CNTNAP2: variants seen among roughly 807,000 people sequenced by gnomAD.
The protein encoded by CNTNAP2 is contactin-associated protein-like 2.
A neutral mutation model predicts 155.2 loss-of-function variants in CNTNAP2; 98 were observed. That is an observed-to-expected ratio of 0.63 (90% CI 0.54 to 0.75). The LOEUF is 0.75. Ranked by LOEUF, CNTNAP2 falls within the 30% of genes least tolerant of loss-of-function variation. The probability of loss-of-function intolerance (pLI) is 0.00; values close to 1 mark genes in which losing one functional copy is unlikely to be tolerated. For missense variants in CNTNAP2, 1,727 were observed against 1,688.1 expected, an observed-to-expected ratio of 1.02 and a Z score of -0.40; for synonymous variants, 651 against 631.2, an observed-to-expected ratio of 1.03 and a Z score of -0.47.
chr7:146,700,171 C>T (rs767674467), intron 1 of CNTNAP2, among the ~76,000 whole-genome samples: 24 of 152,094 alleles, frequency 1.6e-4, no homozygotes, highest in Admixed American at 1.2e-3. Context: ...AGTCAACACC[C>T]GGTGTCCAGT....
intron 2 of CNTNAP2, among the ~76,000 whole-genome samples, chr7:146,780,903 G>C (rs149872295): frequency 0.012 from 1,791 of 152,054 alleles, 21 homozygotes; most frequent in Non-Finnish European, 0.019. Flanking sequence ...GAGAGCATTA[G>C]GAGAAATACC....
intron 1 of CNTNAP2, among the ~76,000 whole-genome samples, chr7:146,258,378 T>C (rs1277035089): frequency 6.6e-6 from 1 of 152,200 alleles, no homozygotes; most frequent in Non-Finnish European, 1.5e-5. Flanking sequence ...AATACCATTT[T>C]ACTATTTTAT....
intron 12 of CNTNAP2, among the ~76,000 whole-genome samples, chr7:147,630,022 A>G (rs1367559696): frequency 4.6e-5 from 7 of 152,068 alleles, no homozygotes. Context: ...CAAAAGATAA[A>G]TGAAAAAAAG....
intron 14 of CNTNAP2, among the ~76,000 whole-genome samples, chr7:147,944,571 A>C (rs1356988768): frequency 1.3e-5 from 2 of 152,214 alleles, no homozygotes; most frequent in Non-Finnish European, 2.9e-5. Context: ...GGAAATTGAC[A>C]AGTGTGTCTG....
intron 18 of CNTNAP2, among the ~76,000 whole-genome samples, chr7:148,178,978 C>T (rs184637339): frequency 2.7e-4 from 41 of 152,268 alleles, no homozygotes; most frequent in Admixed American, 2.6e-3. Flanking sequence ...GTGGCAGTGT[C>T]CTAAAATGTC....
intron 20 of CNTNAP2, among the ~76,000 whole-genome samples, chr7:148,238,325 G>C (rs6464860): frequency 0.71 from 107,263 of 152,020 alleles, 38,999 homozygotes; most frequent in South Asian, 0.91. Flanking sequence ...CTCCAGCCTG[G>C]TGACAGAGCG....
intron 3 of CNTNAP2, among the ~76,000 whole-genome samples, chr7:147,008,609 C>G (rs35013414): frequency 1.3e-5 from 2 of 151,746 alleles, no homozygotes; most frequent in Non-Finnish European, 2.9e-5. Flanking sequence ...CACGTAAGTA[C>G]GCCGTCATAA....
At chr7:147,345,245 T>C (rs1414316177) in intron 9 of CNTNAP2, among the ~76,000 whole-genome samples, 1 of 152,188 alleles carries the variant, frequency 6.6e-6, no homozygotes, top group Non-Finnish European at 1.5e-5. Flanking sequence ...AATTTTGTCA[T>C]GTTTACTTTT....
At chr7:147,301,592 CTGTGTGTGTGTGTG>C (rs10585570) in intron 9 of CNTNAP2, among the ~76,000 whole-genome samples, 1,580 of 101,842 alleles carry the variant, frequency 0.016, 28 homozygotes, top group African/African-American at 0.042. Context: ...CTCTCTCTCT[CTGTGTGTGTGTGTG>C]TGTGTGTGTG....
chr7:146,197,557 G>C (rs997568082), intron 1 of CNTNAP2, among the ~76,000 whole-genome samples: 1 of 152,086 alleles, frequency 6.6e-6, no homozygotes, highest in Non-Finnish European at 1.5e-5. Context: ...AAAGCTTGCA[G>C]GTTTAATTAC....
chr7:146,920,168 C>A (rs918566668), intron 3 of CNTNAP2, among the ~76,000 whole-genome samples: 3 of 152,080 alleles, frequency 2.0e-5, no homozygotes, highest in Non-Finnish European at 2.9e-5. Flanking sequence ...AAGCCCAGCA[C>A]TTTGGGAGGC....
chr7:146,496,930 A>G (rs1156628325), intron 1 of CNTNAP2, among the ~76,000 whole-genome samples: 1 of 152,232 alleles, frequency 6.6e-6, no homozygotes, highest in South Asian at 2.1e-4. Flanking sequence ...ACCTAATGCC[A>G]CTGGCCCTAC....
Position 146,580,066 on chromosome 7 carries a change from T to A in CNTNAP2, c.98-194205T>A, listed in dbSNP as rs116269390. On this transcript the variant is annotated intron_variant, in intron 1 of 23. Coordinates refer to ENST00000361727, the MANE Select transcript of CNTNAP2 (RefSeq NM_014141.6). ...AATTATATTTCCTATGCTTAAGGCA[T>A]GTATTTTCAGTAAGCAGTTAAAAAG... Among the ~76,000 whole-genome samples the A allele has an allele frequency of 3.7e-3, 568 of 152,266 alleles. 6 individuals are homozygous for A. Among genetic ancestry groups the A allele is most frequent in the African/African-American group, 0.013 (555 of 41,574 alleles).
chr7:147,133,485 A>G (rs868526386), intron 8 of CNTNAP2, among the ~76,000 whole-genome samples: 1 of 151,966 alleles, frequency 6.6e-6, no homozygotes, highest in Non-Finnish European at 1.5e-5. Flanking sequence ...CTATGCATAT[A>G]CCTGACACGG....
At chr7:146,129,243 T>C (rs1241237955) in intron 1 of CNTNAP2, among the ~76,000 whole-genome samples, 1 of 152,190 alleles carries the variant, frequency 6.6e-6, no homozygotes, top group Non-Finnish European at 1.5e-5. Flanking sequence ...TGTATCTACT[T>C]TCAAAGAGAG....
intron 1 of CNTNAP2, among the ~76,000 whole-genome samples, chr7:146,337,708 G>A (rs535431379): frequency 3.9e-5 from 6 of 152,100 alleles, no homozygotes; most frequent in Admixed American, 2.6e-4. Context: ...GGGTTCAAGC[G>A]GTTCTCCTGC....
At chr7:146,692,320 A>AC (rs1800711990) in intron 1 of CNTNAP2, among the ~76,000 whole-genome samples, 1 of 152,264 alleles carries the variant, frequency 6.6e-6, no homozygotes, top group South Asian at 2.1e-4. Flanking sequence ...TCCCTACATA[A>AC]AAACCTTTAA....
rs567058115 is a variant in CNTNAP2, at chr7:147,068,578, C to T, written c.550+24524C>T. Among the ~76,000 whole-genome samples, 21 of 152,212 alleles carry T rather than the reference C, an allele frequency of 1.4e-4. No homozygotes were observed. The South Asian group carries it at 4.1e-3, about 30-fold the overall frequency. On this transcript the variant is annotated intron_variant, in intron 4 of 23. Transcript: ENST00000361727. ...TTCACCATGTTGACCAGGCTGGTCT[C>T]GAGCTCCTGGACTCGTGATCCGCCA... is the stretch of plus-strand genomic sequence containing the variant.
chr7:146,494,383 G>A (rs973057849), intron 1 of CNTNAP2, among the ~76,000 whole-genome samples: 6 of 151,660 alleles, frequency 4.0e-5, no homozygotes, highest in East Asian at 1.9e-4. Context: ...AAATAAAAAT[G>A]CTTTGTATGT....
Sources: gnomAD v4.1 joint callset for allele counts (sites outside exome capture counted in the v4.1 genomes callset) on GRCh38, gnomAD v4.1.1 for gene constraint, MANE v1.5 for transcripts, NCBI Gene and HGNC (gene_info 2026-07-23, HGNC 2026-07-21) for gene names.